The following CKAP2 variants were observed in gnomAD, a reference collection of about 807,000 sequenced individuals.
The protein encoded by CKAP2 is cytoskeleton associated protein 2, also known as cytoskeleton-associated protein 2.
Under a neutral mutation model 58.4 loss-of-function variants are expected in CKAP2, and 46 were observed. The ratio of observed to expected loss-of-function variants is 0.79; its 90% CI spans 0.62 to 1.01. The LOEUF is 1.01. Ranked by LOEUF, CKAP2 falls within the 50% of genes least tolerant of loss-of-function variation. The pLI, the probability that CKAP2 is intolerant of heterozygous loss-of-function variation, is 0.00. For missense variants in CKAP2, 809 were observed against 796.4 expected, an observed-to-expected ratio of 1.02 and a Z score of -0.19; for synonymous variants, 293 against 280.9, an observed-to-expected ratio of 1.04 and a Z score of -0.43.
intron 4 of CKAP2, 42 bp from the exon 5 acceptor site, chr13:52,462,321 C>A (rs1958598655): frequency 6.5e-7 from 1 of 1,535,750 alleles, no homozygotes; most frequent in South Asian, 1.2e-5. Flanking sequence ...AGAGTTCTGT[C>A]AGCAATTTCA....
In CKAP2 at chr13:52,467,080, A is replaced by G. The variant is rs199623059; in HGVS notation, c.1477-1198A>G. ...ATGCCACTGAACTCCATCCTGAGTC[A>G]ACAGAGCAACACCCTGTCTCAAAAA... is the stretch of plus-strand genomic sequence containing the variant. On this transcript the variant is annotated intron_variant, in intron 6 of 8. Transcript: ENST00000258607. 1.1e-4 allele frequency among the ~76,000 whole-genome samples: 17 copies of G among 147,896 alleles called. No individual in the cohort carries two copies. The East Asian group carries it at 3.4e-3, about 29-fold the overall frequency.
rs1259402329 is a variant in CKAP2 at position 52,456,595 on chromosome 13, A to G, written c.143A>G (p.Glu48Gly). 1.2e-6 allele frequency: 2 copies of G among 1,612,368 alleles called. No homozygotes were observed. Among genetic ancestry groups the G allele is most frequent in the Non-Finnish European group, 1.7e-6 (2 of 1,178,520 alleles). The change falls in exon 2 of 9, where the codon GAG (glutamate) becomes GGG (glycine). Residue 48 changes from glutamate to glycine, a missense_variant. By Grantham distance (98) the Glu-to-Gly change is moderately conservative (BLOSUM62 -2). Coordinates refer to ENST00000258607, the MANE Select transcript of CKAP2 (RefSeq NM_018204.5). ...CTTTTTGCATACAAGCAGGAAAATG[A>G]GATGTTATCCAGGTAAGGTCAAGTT... Reference protein sequence around the residue: ...KTLFAYKQENEMLSSRDQRVV... With the variant: ...KTLFAYKQENGMLSSRDQRVV...
chr13:52,455,850 G>A, intron 1 of CKAP2: 1 of 856,976 alleles, frequency 1.2e-6, no homozygotes, highest in Non-Finnish European at 1.6e-6. Flanking sequence ...CTGCTGGCTG[G>A]GATGGGCCCT....
At chr13:52,458,248 T>A (rs1958518451) in intron 2 of CKAP2, among the ~76,000 whole-genome samples, 1 of 152,130 alleles carries the variant, frequency 6.6e-6, no homozygotes, top group Admixed American at 6.5e-5. Flanking sequence ...GAGTTCTGTT[T>A]TGACTATGTT....
In CKAP2 at chr13:52,475,995, C is replaced by T. The variant is rs1045373411; in HGVS notation, c.*854C>T. ...GATAGCATTTCTAAGATAACTGATA[C>T]TAATACTTGTTTTCTTCCCTATAAC... On this transcript the variant is annotated 3_prime_UTR_variant, in exon 9 of 9. Transcript: ENST00000258607. 1.3e-5 allele frequency: 2 copies of T among 152,150 alleles called. No individual in the cohort carries two copies. The highest frequency in any genetic ancestry group is 4.8e-5 in the African/African-American group (2 of 41,408). 9.4% of individuals were successfully genotyped at this position (152,150 alleles called of 1,614,324 possible).
rs552950161 is a variant in CKAP2, at chr13:52,468,265, TA to T, written c.1477-6del. On this transcript the variant is annotated splice_polypyrimidine_tract_variant and intron_variant, in intron 6 of 8. Coordinates refer to ENST00000258607, the MANE Select transcript of CKAP2 (RefSeq NM_018204.5). ...ACTTACATGGATCTGCTTTCTTCATTAAAAAAATTAAGCCTATTGAAGAGAT... is the reference window on the plus strand; with the variant it reads ...ACTTACATGGATCTGCTTTCTTCATTAAAAAATTAAGCCTATTGAAGAGAT... 7.2e-6 allele frequency: 11 copies of T among 1,537,600 alleles called. No homozygotes were observed. The highest frequency in any genetic ancestry group is 7.1e-6 in the Non-Finnish European group (8 of 1,128,504).
intron 2 of CKAP2, among the ~76,000 whole-genome samples, chr13:52,457,050 C>A (rs996632975): frequency 6.6e-6 from 1 of 152,112 alleles, no homozygotes; most frequent in Non-Finnish European, 1.5e-5. Flanking sequence ...GCAAGTGCCA[C>A]CATTCCCTGC....
intron 5 of CKAP2, 65 bp from the exon 6 acceptor site, chr13:52,465,230 G>T: frequency 7.3e-7 from 1 of 1,361,412 alleles, no homozygotes; most frequent in South Asian, 1.3e-5. Flanking sequence ...ACTATAGTAG[G>T]CTCAATTATT....
In CKAP2 at chr13:52,461,230, A is replaced by G. The variant is rs774976799; in HGVS notation, c.404A>G (p.Asp135Gly). The change falls in exon 4 of 9, where the codon GAT becomes GGT. Residue 135 changes from aspartate to glycine, a missense_variant. Transcript: ENST00000258607. ...QTPHLLLTED[D>G]PQSQHMTLSQ... is the part of the protein sequence containing the mutation. ...CCGCATTTGTTACTAACTGAAGATG[A>G]TCCCCAAAGTCAACATATGACATTA... The G allele has an allele frequency of 6.2e-7, 1 of 1,613,896 alleles. No individual in the cohort carries two copies. Among genetic ancestry groups the G allele is most frequent in the Non-Finnish European group, 8.5e-7 (1 of 1,179,976 alleles).
intron 2 of CKAP2, among the ~76,000 whole-genome samples, chr13:52,457,771 T>C (rs907535493): frequency 6.6e-6 from 1 of 152,140 alleles, no homozygotes; most frequent in East Asian, 1.9e-4. Flanking sequence ...GGAGAATCGC[T>C]TGAACCTGGG....
chr13:52,465,170 T>C (rs772425876), intron 5 of CKAP2, 125 bp from the exon 6 acceptor site: 27 of 705,964 alleles, frequency 3.8e-5, no homozygotes, highest in Non-Finnish European at 5.6e-5. Flanking sequence ...TCTCAACTAA[T>C]GTTTCATTTT....
In CKAP2 at chr13:52,475,229, A is replaced by T; in HGVS notation, c.*88A>T. The T allele has an allele frequency of 6.7e-7, 1 of 1,500,756 alleles. No individual in the cohort carries two copies. The highest frequency in any genetic ancestry group is 9.0e-7 in the Non-Finnish European group (1 of 1,116,078). The allele number at this position is 1,500,756 out of a possible 1,614,324, so 93.0% of individuals were successfully genotyped here. A position where few individuals can be genotyped will look rare whatever the true frequency, so the allele number is the denominator to read the frequency against. ...AGCTTTATATTGCTCTTAGGTCTGGAGTTGGCCATGTACCTATGTATCCTA... is the reference window on the plus strand; with the variant it reads ...AGCTTTATATTGCTCTTAGGTCTGGTGTTGGCCATGTACCTATGTATCCTA... On this transcript the variant is annotated 3_prime_UTR_variant, in exon 9 of 9. Transcript: ENST00000258607.
rs569416326 is a variant in CKAP2, at chr13:52,459,250, T to C, written c.156-1649T>C. On this transcript the variant is annotated intron_variant, in intron 2 of 8. Coordinates refer to ENST00000258607, the MANE Select transcript of CKAP2 (RefSeq NM_018204.5). ...TCTCCAAGCTGACAGAACAAATAGA[T>C]ATGAAAGGCAATGTAAGCAAAATTA... 1.6e-4 allele frequency among the ~76,000 whole-genome samples: 24 copies of C among 152,328 alleles called. 1 individual carries two copies. In the South Asian group the frequency reaches 1.9e-3, roughly 12 times the overall value.
chr13:52,472,786 C>T (rs1269155536), intron 7 of CKAP2, among the ~76,000 whole-genome samples: 2 of 152,176 alleles, frequency 1.3e-5, no homozygotes, highest in African/African-American at 4.8e-5. Context: ...GTGGCTCACG[C>T]CTATAATCCC....
rs764352565 is a variant in CKAP2, at chr13:52,475,006, A to G, written c.1914A>G (p.Pro638=). ...TTCAAGAGAAAACTTCTAAATTGCC[A>G]GATATGTTAAAAGATCATTATCCTT... The part of the protein sequence containing the change: ...RRLQEKTSKL[P]DMLKDHYPCV... Residue 638 remains proline, a synonymous_variant, in exon 9 of 9, where the codon CCA becomes CCG. Coordinates refer to ENST00000258607, the MANE Select transcript of CKAP2 (RefSeq NM_018204.5). The G allele has an allele frequency of 1.2e-6, 2 of 1,614,130 alleles. No homozygotes were observed. Among genetic ancestry groups the G allele is most frequent in the African/African-American group, 2.7e-5 (2 of 74,942 alleles).
At chr13:52,466,010 CAT>C (rs1958671577) in intron 6 of CKAP2, among the ~76,000 whole-genome samples, 1 of 151,422 alleles carries the variant, frequency 6.6e-6, no homozygotes, top group African/African-American at 2.4e-5. Context: ...TATATACACA[CAT>C]ACACATATAT....
chr13:52,472,338 A>G (rs943197133), intron 7 of CKAP2, among the ~76,000 whole-genome samples: 8 of 152,356 alleles, frequency 5.3e-5, no homozygotes, highest in African/African-American at 1.9e-4. Flanking sequence ...GTGCTAATGC[A>G]ATGCCTGACA....
At position 52,461,205 on chromosome 13, in the gene CKAP2, C is replaced by A. The variant is rs138583090; in HGVS notation, c.379C>A (p.Pro127Thr). The change falls in exon 4 of 9, where the codon CCG (proline) becomes ACG (threonine). Residue 127 changes from proline (P) to threonine (T), a missense_variant. Physicochemically the swap from Pro to Thr is conservative, Grantham distance 38. Coordinates refer to ENST00000258607, the MANE Select transcript of CKAP2 (RefSeq NM_018204.5). Reference sequence around the variant, plus strand: ...TAAACCTAAGGATAGTAATCAAACTCCGCATTTGTTACTAACTGAAGATGA... The same window carrying A: ...TAAACCTAAGGATAGTAATCAAACTACGCATTTGTTACTAACTGAAGATGA... ...THKPKDSNQT[P>T]HLLLTEDDPQ... 324 of 1,613,940 alleles carry A rather than the reference C, an allele frequency of 2.0e-4. No homozygotes were observed. The African/African-American group carries it at 3.5e-3, about 18-fold the overall frequency.
intron 2 of CKAP2, among the ~76,000 whole-genome samples, chr13:52,457,196 A>T (rs920268776): frequency 2.0e-4 from 31 of 152,200 alleles, no homozygotes; most frequent in Admixed American, 1.9e-3. Context: ...CGCCCGGCCT[A>T]GATTATCGTT....
Sources: allele counts gnomAD v4.1 joint callset (sites outside exome capture counted in the v4.1 genomes callset), GRCh38; gene constraint gnomAD v4.1.1; transcripts MANE v1.5; gene names NCBI Gene and HGNC (gene_info 2026-07-23, HGNC 2026-07-21).